NAT8: variants seen among roughly 807,000 people sequenced by gnomAD.
The protein encoded by NAT8 is N-acetyltransferase 8 (putative).
For missense variants in NAT8, 357 were observed against 287.1 expected, an observed-to-expected ratio of 1.24 and a Z score of -1.76; for synonymous variants, 131 against 115.4, an observed-to-expected ratio of 1.14 and a Z score of -0.87.
chr2:73,641,030 A>G lies in NAT8; in HGVS notation c.599T>C (p.Phe200Ser), dbSNP rs1472750336. ...SMGFKKTGQS[F>S]FCVWARLVAL... ...CACTAGCCTGGCCCACACACAGAAG[A>G]AGGACTGGCCCGTCTTCTTGAAGCC... Residue 200 changes from phenylalanine (F) to serine (S), a missense_variant, in exon 2 of 2, where the codon TTC becomes TCC. By Grantham distance (155) the Phe-to-Ser change is radical (BLOSUM62 -2). Transcript: ENST00000272425. The G allele has an allele frequency of 1.9e-6, 3 of 1,614,008 alleles. No individual in the cohort carries two copies. Among genetic ancestry groups the G allele is most frequent in the East Asian group, 2.2e-5 (1 of 44,896 alleles).
chr2:73,641,443 T>C lies in NAT8; in HGVS notation c.186A>G (p.Leu62=), dbSNP rs2103669155. 1 of 1,614,066 alleles carries C rather than the reference T, an allele frequency of 6.2e-7. No homozygotes were observed. Among genetic ancestry groups the C allele is most frequent in the Non-Finnish European group, 8.5e-7 (1 of 1,180,022 alleles). Residue 62 remains leucine (L), a synonymous_variant, in exon 2 of 2, where the codon CTA becomes CTG. Coordinates refer to ENST00000272425, the MANE Select transcript of NAT8 (RefSeq NM_003960.4). The part of the protein sequence containing the change: ...ALLLVSGSWL[L]ALVFSISLFP... ...AGAGGCTGATGCTGAACACGAGGGCTAGAAGCCAGGATCCAGAGACCAGGA... is the reference window on the plus strand; with the variant it reads ...AGAGGCTGATGCTGAACACGAGGGCCAGAAGCCAGGATCCAGAGACCAGGA...
chr2:73,641,483 C>A lies in NAT8; in HGVS notation c.146G>T (p.Gly49Val). Residue 49 changes from glycine (G) to valine (V), a missense_variant, in exon 2 of 2, where the codon GGG becomes GTG. Gly to Val is a moderately radical substitution (Grantham distance 109, BLOSUM62 -3). Transcript: ENST00000272425. ...LPRTLILLLGGPLALLLVSGS... is the reference protein window; with the variant it reads ...LPRTLILLLGVPLALLLVSGS... Reference sequence around the variant, plus strand: ...AGAGACCAGGAGTAGGGCGAGGGGCCCCCCAAGTAAGAGTATGAGGGTTCG... The same window carrying A: ...AGAGACCAGGAGTAGGGCGAGGGGCACCCCAAGTAAGAGTATGAGGGTTCG... The A allele has an allele frequency of 1.2e-6, 2 of 1,613,878 alleles. No individual in the cohort carries two copies. Among genetic ancestry groups the A allele is most frequent in the Non-Finnish European group, 1.7e-6 (2 of 1,179,958 alleles).
chr2:73,642,203 G>A (rs1200727366), intron 1 of NAT8, 115 bp downstream of exon 1: 1 of 152,190 alleles, frequency 6.6e-6, no homozygotes, highest in African/African-American at 2.4e-5. Context: ...CAGCTTTATT[G>A]TAAGTTTTTA....
intron 1 of NAT8, 100 bp from the exon 2 acceptor site, chr2:73,641,802 T>C (rs1224415643): frequency 2.5e-6 from 2 of 787,510 alleles, no homozygotes; most frequent in South Asian, 3.4e-5. Flanking sequence ...CGTTTGCCCA[T>C]GAGGAAGCAG....
Position 73,641,154 on chromosome 2 carries a change from T to G in NAT8, c.475A>C (p.Arg159=). Residue 159 remains arginine, a synonymous_variant, in exon 2 of 2, where the codon AGG becomes CGG. Coordinates refer to ENST00000272425, the MANE Select transcript of NAT8 (RefSeq NM_003960.4). Reference sequence around the variant, plus strand: ...TCCCGGGCAAACTGGAGGACAGTCCTGACCAGGGCTTTTGCTATCCCCTGA... The same window carrying G: ...TCCCGGGCAAACTGGAGGACAGTCCGGACCAGGGCTTTTGCTATCCCCTGA... ...RRQGIAKALV[R]TVLQFARDQG... The G allele has an allele frequency of 6.2e-7, 1 of 1,614,134 alleles. No homozygotes were observed.
rs1210443112 is a variant in NAT8, at chr2:73,640,779, A to G, written c.*166T>C. The G allele has an allele frequency of 2.9e-6, 2 of 692,950 alleles. No individual in the cohort carries two copies. The highest frequency in any genetic ancestry group is 2.3e-6 in the Non-Finnish European group (1 of 439,990). The allele number at this position is 692,950 out of a possible 1,614,324, so 42.9% of individuals were successfully genotyped here. A position where few individuals can be genotyped will look rare whatever the true frequency, so the allele number is the denominator to read the frequency against. Reference sequence around the variant, plus strand: ...AACAGATGGGAATCAAAAAGACTGAATGAAGCAGAAACCCAGAAGCTACCC... The same window carrying G: ...AACAGATGGGAATCAAAAAGACTGAGTGAAGCAGAAACCCAGAAGCTACCC... On this transcript the variant is annotated 3_prime_UTR_variant, in exon 2 of 2. Transcript: ENST00000272425.
rs753845906 is a variant in NAT8 at position 73,641,020 on chromosome 2, C to G, written c.609G>C (p.Val203=). ...FKKTGQSFFC[V]WARLVALHTV... ...TATGAAGAGCCACTAGCCTGGCCCA[C>G]ACACAGAAGAAGGACTGGCCCGTCT... Residue 203 remains valine, a synonymous_variant, in exon 2 of 2, where the codon GTG becomes GTC. Coordinates refer to ENST00000272425, the MANE Select transcript of NAT8 (RefSeq NM_003960.4). 1 of 1,614,008 alleles carries G rather than the reference C, an allele frequency of 6.2e-7. No homozygotes were observed. Among genetic ancestry groups the G allele is most frequent in the African/African-American group, 1.3e-5 (1 of 74,906 alleles).
intron 1 of NAT8, among the ~76,000 whole-genome samples, 180 bp downstream of exon 1, chr2:73,642,138 G>A (rs1676415147): frequency 6.6e-6 from 1 of 152,070 alleles, no homozygotes; most frequent in Admixed American, 6.6e-5. Flanking sequence ...CTTCTCCAGG[G>A]ACCATACATC....
Position 73,641,156 on chromosome 2 carries a change from A to G in NAT8, c.473T>C (p.Val158Ala). 1 of 1,614,086 alleles carries G rather than the reference A, an allele frequency of 6.2e-7. No individual in the cohort carries two copies. The highest frequency in any genetic ancestry group is 1.3e-5 in the African/African-American group (1 of 75,022). ...CCGGGCAAACTGGAGGACAGTCCTG[A>G]CCAGGGCTTTTGCTATCCCCTGACG... The part of the protein sequence containing the change: ...HRRQGIAKAL[V>A]RTVLQFARDQ... The change falls in exon 2 of 2, where the codon GTC becomes GCC. Residue 158 changes from valine to alanine, a missense_variant. Physicochemically the swap from Val to Ala is moderately conservative, Grantham distance 64. Transcript: ENST00000272425.
rs1369680964 is a variant in NAT8, at chr2:73,640,821, G to T, written c.*124C>A. The T allele has an allele frequency of 7.6e-6, 8 of 1,046,074 alleles. No homozygotes were observed. Among genetic ancestry groups the T allele is most frequent in the Non-Finnish European group, 1.1e-5 (8 of 744,068 alleles). 64.8% of individuals were successfully genotyped at this position (1,046,074 alleles called of 1,614,324 possible). A position where few individuals can be genotyped will look rare whatever the true frequency, so the allele number is the denominator to read the frequency against. On this transcript the variant is annotated 3_prime_UTR_variant, in exon 2 of 2. Transcript: ENST00000272425. ...AAGCTACCCCACAAGCAATCACATGGGACTCAGATGTGAATGGACAATAAG... is the reference window on the plus strand; with the variant it reads ...AAGCTACCCCACAAGCAATCACATGTGACTCAGATGTGAATGGACAATAAG...
Position 73,641,378 on chromosome 2 carries a change from T to C in NAT8, c.251A>G (p.Glu84Gly), listed in dbSNP as rs752191497. 6.2e-7 allele frequency: 1 copy of C among 1,613,938 alleles called. No individual in the cohort carries two copies. Among genetic ancestry groups the C allele is most frequent in the Non-Finnish European group, 8.5e-7 (1 of 1,180,042 alleles). The change falls in exon 2 of 2, where the codon GAG (glutamate) becomes GGG (glycine). Residue 84 changes from glutamate (E) to glycine (G), a missense_variant. By Grantham distance (98) the Glu-to-Gly change is moderately conservative. Coordinates refer to ENST00000272425, the MANE Select transcript of NAT8 (RefSeq NM_003960.4). ...LWFLAKKPWTEYVDMTLCTDM... is the reference protein window; with the variant it reads ...LWFLAKKPWTGYVDMTLCTDM... The stretch of plus-strand genomic sequence containing the variant: ...TGTGCACAATGTCATGTCCACATAC[T>C]CCGTCCAGGGTTTTTTGGCAAGGAA...
At position 73,640,859 on chromosome 2, in the gene NAT8, TG is replaced by T; in HGVS notation, c.*85del. 1 of 1,371,088 alleles carries T rather than the reference TG, an allele frequency of 7.3e-7. No homozygotes were observed. Among genetic ancestry groups the T allele is most frequent in the African/African-American group, 1.5e-5 (1 of 68,364 alleles). 84.9% of individuals were successfully genotyped at this position (1,371,088 alleles called of 1,614,324 possible). ...AATGGACAATAAGCTTTTATTGCAT[TG>T]AAAGGTCATTGCAGTGAAAGGTTGG... On this transcript the variant is annotated 3_prime_UTR_variant, in exon 2 of 2. Coordinates refer to ENST00000272425, the MANE Select transcript of NAT8 (RefSeq NM_003960.4).
In NAT8 at chr2:73,640,989, G is replaced by A. The variant is rs759908932; in HGVS notation, c.640C>T (p.His214Tyr). ...GAAGAAGGGAGGTGGTAGATGAAAT[G>A]AACTGTATGAAGAGCCACTAGCCTG... Reference protein sequence around the residue: ...WARLVALHTVHFIYHLPSSKV... With the variant: ...WARLVALHTVYFIYHLPSSKV... Residue 214 changes from histidine (H) to tyrosine (Y), a missense_variant, in exon 2 of 2, where the codon CAT (histidine) becomes TAT (tyrosine). Transcript: ENST00000272425. 3 of 1,613,786 alleles carry A rather than the reference G, an allele frequency of 1.9e-6. No homozygotes were observed. The highest frequency in any genetic ancestry group is 2.5e-6 in the Non-Finnish European group (3 of 1,179,950).
At position 73,641,496 on chromosome 2, in the gene NAT8, G is replaced by C. The variant is rs775232723; in HGVS notation, c.133C>G (p.Leu45Val). The change falls in exon 2 of 2, where the codon CTC becomes GTC. Residue 45 changes from leucine (L) to valine (V), a missense_variant. Leu to Val is a conservative substitution (Grantham distance 32). Coordinates refer to ENST00000272425, the MANE Select transcript of NAT8 (RefSeq NM_003960.4). ...QLLKLPRTLILLLGGPLALLL... is the reference protein window; with the variant it reads ...QLLKLPRTLIVLLGGPLALLL... The stretch of plus-strand genomic sequence containing the variant: ...AGGGCGAGGGGCCCCCCAAGTAAGA[G>C]TATGAGGGTTCGAGGCAGCTTCAGC... 7.4e-6 allele frequency: 12 copies of C among 1,613,966 alleles called. No individual in the cohort carries two copies. The South Asian group carries it at 1.2e-4, about 16-fold the overall frequency.
rs752882694 is a variant in NAT8 at position 73,641,594 on chromosome 2, C to T, written c.35G>A (p.Ser12Asn). 1 of 1,568,146 alleles carries T rather than the reference C, an allele frequency of 6.4e-7. No homozygotes were observed. The highest frequency in any genetic ancestry group is 1.2e-5 in the South Asian group (1 of 83,046). Residue 12 changes from serine (S) to asparagine (N), a missense_variant, in exon 2 of 2, where the codon AGC becomes AAC. Physicochemically the swap from Ser to Asn is conservative, Grantham distance 46. Coordinates refer to ENST00000272425, the MANE Select transcript of NAT8 (RefSeq NM_003960.4). The stretch of plus-strand genomic sequence containing the variant: ...CAAGCCCACAACCCACTGGCGGTCG[C>T]TCTCCTGGTATTTGCGGATGTGACA... ...APCHIRKYQE[S>N]DRQWVVGLLS...
Position 73,641,614 on chromosome 2 carries a change from G to T in NAT8, c.15C>A (p.His5Gln). 1 of 1,552,444 alleles carries T rather than the reference G, an allele frequency of 6.4e-7. No individual in the cohort carries two copies. The highest frequency in any genetic ancestry group is 8.7e-7 in the Non-Finnish European group (1 of 1,150,282). ...GGTCGCTCTCCTGGTATTTGCGGAT[G>T]TGACAAGGAGCCATGGACAGACTTC... MAPC[H>Q]IRKYQESDRQ... The change falls in exon 2 of 2, where the codon CAC becomes CAA. Residue 5 changes from histidine (H) to glutamine (Q), a missense_variant. His to Gln is a conservative substitution (Grantham distance 24, BLOSUM62 0). Coordinates refer to ENST00000272425, the MANE Select transcript of NAT8 (RefSeq NM_003960.4).
chr2:73,641,486 C>G lies in NAT8; in HGVS notation c.143G>C (p.Gly48Ala). Residue 48 changes from glycine (G) to alanine (A), a missense_variant, in exon 2 of 2, where the codon GGG becomes GCG. Transcript: ENST00000272425. ...KLPRTLILLL[G>A]GPLALLLVSG... ...GACCAGGAGTAGGGCGAGGGGCCCC[C>G]CAAGTAAGAGTATGAGGGTTCGAGG... is the stretch of plus-strand genomic sequence containing the variant. The G allele has an allele frequency of 6.2e-7, 1 of 1,613,958 alleles. No homozygotes were observed. Among genetic ancestry groups the G allele is most frequent in the Non-Finnish European group, 8.5e-7 (1 of 1,179,978 alleles).
Position 73,641,141 on chromosome 2 carries a change from T to TGGAGG in NAT8, c.483_487dup (p.Gln163ProfsTer47), listed in dbSNP as rs1207519251. On this transcript the variant is annotated frameshift_variant, in exon 2 of 2. Coordinates refer to ENST00000272425, the MANE Select transcript of NAT8 (RefSeq NM_003960.4). LOFTEE classifies it low-confidence loss of function (END_TRUNC). Reference sequence around the variant, plus strand: ...ACTGTAGCCCTGGTCCCGGGCAAACTGGAGGACAGTCCTGACCAGGGCTTT... The same window carrying TGGAGG: ...ACTGTAGCCCTGGTCCCGGGCAAACTGGAGGGGAGGACAGTCCTGACCAGGGCTTT... 3.7e-6 allele frequency: 6 copies of TGGAGG among 1,614,002 alleles called. No individual in the cohort carries two copies. Among genetic ancestry groups the TGGAGG allele is most frequent in the Non-Finnish European group, 5.1e-6 (6 of 1,180,020 alleles).
Position 73,640,986 on chromosome 2 carries a change from A to C in NAT8, c.643T>G (p.Phe215Val). 3.7e-6 allele frequency: 6 copies of C among 1,613,888 alleles called. No homozygotes were observed. Among genetic ancestry groups the C allele is most frequent in the Non-Finnish European group, 5.1e-6 (6 of 1,179,930 alleles). Residue 215 changes from phenylalanine to valine, a missense_variant, in exon 2 of 2, where the codon TTC (phenylalanine) becomes GTC (valine). By Grantham distance (50) the Phe-to-Val change is conservative. Coordinates refer to ENST00000272425, the MANE Select transcript of NAT8 (RefSeq NM_003960.4). ...ARLVALHTVH[F>V]IYHLPSSKVG... is the part of the protein sequence containing the mutation. ...TTAGAAGAAGGGAGGTGGTAGATGA[A>C]ATGAACTGTATGAAGAGCCACTAGC...
Sources: allele counts gnomAD v4.1 joint callset (sites outside exome capture counted in the v4.1 genomes callset), GRCh38; gene constraint gnomAD v4.1.1; transcripts MANE v1.5; gene names NCBI Gene and HGNC (gene_info 2026-07-23, HGNC 2026-07-21).